Variants in LOC128092253 observed in about 807,000 individuals in gnomAD.
chr6:133,959,871 A>G, the LOC128092253 span, among the ~76,000 whole-genome samples: 2 of 152,248 alleles, frequency 1.3e-5, no homozygotes, highest in African/African-American at 4.8e-5. Context: ...GTGTAACCCA[A>G]AAGTGCAAAT....
the LOC128092253 span, among the ~76,000 whole-genome samples, chr6:133,953,873 C>T: frequency 6.6e-6 from 1 of 152,158 alleles, no homozygotes; most frequent in African/African-American, 2.4e-5. Flanking sequence ...ACAGCGGCTT[C>T]TCTAATAGCT....
the LOC128092253 span, among the ~76,000 whole-genome samples, chr6:133,960,485 A>G: frequency 6.6e-6 from 1 of 150,960 alleles, no homozygotes. Flanking sequence ...AGTAATCTTG[A>G]AACTTCCACT....
the LOC128092253 span, among the ~76,000 whole-genome samples, chr6:133,970,253 C>T: frequency 6.6e-6 from 1 of 152,172 alleles, no homozygotes; most frequent in Admixed American, 6.5e-5. Context: ...ACACAGCTCA[C>T]TGTTTTTATA....
At chr6:133,979,969 A>T in the LOC128092253 span, 2 of 851,910 alleles carry the variant, frequency 2.3e-6, no homozygotes, top group Non-Finnish European at 3.2e-6. Flanking sequence ...TGATTCTAGT[A>T]ACATTTGAAA....
the LOC128092253 span, among the ~76,000 whole-genome samples, chr6:133,965,576 G>A: frequency 3.3e-5 from 5 of 150,514 alleles, no homozygotes; most frequent in African/African-American, 1.2e-4. Context: ...TATTTGCTTT[G>A]ATTTGATGGT....
chr6:133,978,408 A>G, the LOC128092253 span, among the ~76,000 whole-genome samples: 1 of 152,218 alleles, frequency 6.6e-6, no homozygotes, highest in African/African-American at 2.4e-5. Flanking sequence ...CAGGTTACAT[A>G]ACTTGCCCAA....
chr6:133,969,252 T>A, the LOC128092253 span, among the ~76,000 whole-genome samples: 1 of 94,600 alleles, frequency 1.1e-5, no homozygotes, highest in Non-Finnish European at 2.0e-5. Flanking sequence ...TAAAATACAC[T>A]TTTTTTTTTT....
chr6:133,960,431 T>G, the LOC128092253 span, among the ~76,000 whole-genome samples: 3 of 151,868 alleles, frequency 2.0e-5, no homozygotes, highest in Non-Finnish European at 4.4e-5. Flanking sequence ...TTTTTTTTTT[T>G]TTTTTAATTT....
At chr6:133,958,683 G>T in the LOC128092253 span, among the ~76,000 whole-genome samples, 1 of 152,178 alleles carries the variant, frequency 6.6e-6, no homozygotes, top group African/African-American at 2.4e-5. Flanking sequence ...AAAGTGAATT[G>T]CAGACTGTTC....
the LOC128092253 span, among the ~76,000 whole-genome samples, chr6:133,958,701 T>C: frequency 6.6e-6 from 1 of 152,224 alleles, no homozygotes; most frequent in Non-Finnish European, 1.5e-5. Flanking sequence ...TTCTTTCCTA[T>C]TCTGGCTAAT....
At chr6:133,954,797 G>T in the LOC128092253 span, among the ~76,000 whole-genome samples, 2 of 151,948 alleles carry the variant, frequency 1.3e-5, no homozygotes, top group African/African-American at 4.8e-5. Context: ...TCCTCTTTAC[G>T]TACCCTCTGC....
chr6:133,971,486 C>G, the LOC128092253 span, among the ~76,000 whole-genome samples: 1 of 152,238 alleles, frequency 6.6e-6, no homozygotes, highest in Non-Finnish European at 1.5e-5. Flanking sequence ...TGAGGAACTT[C>G]TATACTGTTT....
chr6:133,969,251 C>CTTTTTTT, the LOC128092253 span, among the ~76,000 whole-genome samples: 1 of 122,608 alleles, frequency 8.2e-6, no homozygotes, highest in Non-Finnish European at 1.7e-5. Context: ...ATAAAATACA[C>CTTTTTTT]TTTTTTTTTT....
chr6:133,980,062 T>C, the LOC128092253 span: 16 of 1,384,254 alleles, frequency 1.2e-5, no homozygotes, highest in Middle Eastern at 3.9e-4. Flanking sequence ...TTAATGACTT[T>C]ATTTTGTTTT....
the LOC128092253 span, among the ~76,000 whole-genome samples, chr6:133,963,572 C>T: frequency 6.6e-6 from 1 of 152,150 alleles, no homozygotes; most frequent in Admixed American, 6.5e-5. Flanking sequence ...AGGCACACAC[C>T]ACCACATCTG....
the LOC128092253 span, among the ~76,000 whole-genome samples, chr6:133,973,412 C>G: frequency 6.6e-6 from 1 of 152,146 alleles, no homozygotes; most frequent in Non-Finnish European, 1.5e-5. Context: ...TCTGTATTCT[C>G]AGGTTTATTT....
chr6:133,973,047 C>G, the LOC128092253 span, among the ~76,000 whole-genome samples: 3 of 152,282 alleles, frequency 2.0e-5, no homozygotes, highest in African/African-American at 7.2e-5. Context: ...GAACATCGTT[C>G]TAAAAGGCAA....
chr6:133,973,223 A>C, the LOC128092253 span, among the ~76,000 whole-genome samples: 2 of 152,162 alleles, frequency 1.3e-5, no homozygotes, highest in Non-Finnish European at 2.9e-5. Flanking sequence ...GAAAAGAGCT[A>C]TCTCTAGGAG....
chr6:133,973,863 T>C, the LOC128092253 span, among the ~76,000 whole-genome samples: 49 of 152,280 alleles, frequency 3.2e-4, no homozygotes, highest in Middle Eastern at 3.4e-3. Context: ...GATCAAGCTA[T>C]GTCTTAATAT....
Sources: gnomAD v4.1 joint callset for allele counts (sites outside exome capture counted in the v4.1 genomes callset) on GRCh38, gnomAD v4.1.1 for gene constraint, MANE v1.5 for transcripts.